PHF11: variants seen among roughly 807,000 people sequenced by gnomAD.
The protein encoded by PHF11 is BRCA1 C-terminus-associated protein.
In PHF11, 38 loss-of-function variants were observed where a neutral mutation model predicts 40.5. The observed-to-expected ratio is 0.94, with a 90% confidence interval of 0.72 to 1.23. The LOEUF is 1.23. Among genes scored for constraint, PHF11 ranks in the 50% most tolerant of loss-of-function variants. The pLI, the probability that PHF11 is intolerant of heterozygous loss-of-function variation, is 0.00. For synonymous variants in PHF11, 127 were observed against 138.2 expected, an observed-to-expected ratio of 0.92 and a Z score of 0.57; for missense variants, 369 against 392.4, an observed-to-expected ratio of 0.94 and a Z score of 0.50.
chr13:49,503,843 G>A (rs981320433), intron 1 of PHF11, among the ~76,000 whole-genome samples: 7 of 151,888 alleles, frequency 4.6e-5, no homozygotes, highest in African/African-American at 9.7e-5. Context: ...AGCAATTCTC[G>A]TGCCTCAGCC....
At chr13:49,524,830 T>C (rs7139494) in intron 8 of PHF11, among the ~76,000 whole-genome samples, 70,576 of 151,898 alleles carry the variant, frequency 0.46, 17,184 homozygotes, top group Middle Eastern at 0.58. Flanking sequence ...CCTTCATAAA[T>C]CAACAGGATG....
chr13:49,495,988 G>C lies in PHF11; in HGVS notation c.-14G>C, dbSNP rs1315655672. On this transcript the variant is annotated 5_prime_UTR_variant, in exon 1 of 10. Coordinates refer to ENST00000378319, the MANE Select transcript of PHF11 (RefSeq NM_001040443.3). The stretch of plus-strand genomic sequence containing the variant: ...TCTCGCTATCCGGCCGCCACCCGCA[G>C]CTGCAGCACAGTCATGGCCCAGGCG... 1 of 1,493,412 alleles carries C rather than the reference G, an allele frequency of 6.7e-7. No homozygotes were observed. Among genetic ancestry groups the C allele is most frequent in the South Asian group, 1.2e-5 (1 of 81,692 alleles). 92.5% of individuals were successfully genotyped at this position (1,493,412 alleles called of 1,614,324 possible).
intron 4 of PHF11, among the ~76,000 whole-genome samples, chr13:49,519,091 T>C (rs914045140): frequency 3.3e-5 from 5 of 152,118 alleles, no homozygotes; most frequent in African/African-American, 9.7e-5. Flanking sequence ...CGCCTCGGCC[T>C]CCCAAAGTGC....
At chr13:49,511,408 C>A (rs559946111) in intron 2 of PHF11, among the ~76,000 whole-genome samples, 3 of 150,210 alleles carry the variant, frequency 2.0e-5, no homozygotes, top group African/African-American at 7.3e-5. Flanking sequence ...CTCACTGCAC[C>A]CTCCGCCTCA....
In PHF11 at chr13:49,528,518, G is replaced by C; in HGVS notation, c.849G>C (p.Glu283Asp). ...TATTTCTTCTTTTCATAGCAATAGA[G>C]AAAAAAATTCATGCATCTCAACAAA... is the stretch of plus-strand genomic sequence containing the variant. ...DTFVNFQAAIEKKIHASQQRW... is the reference protein window; with the variant it reads ...DTFVNFQAAIDKKIHASQQRW... The change falls in exon 10 of 10, where the codon GAG becomes GAC. Residue 283 changes from glutamate (E) to aspartate (D), a missense_variant. By Grantham distance (45) the Glu-to-Asp change is conservative. Transcript: ENST00000378319. 1 of 1,594,010 alleles carries C rather than the reference G, an allele frequency of 6.3e-7. No homozygotes were observed.
At chr13:49,501,000 G>GTT (rs1206782081) in intron 1 of PHF11, among the ~76,000 whole-genome samples, 2 of 51,302 alleles carry the variant, frequency 3.9e-5, no homozygotes, top group Admixed American at 2.1e-4. Context: ...ACCAACTTTT[G>GTT]TTTTTTTTTT....
At chr13:49,508,181 A>G (rs1959032687) in intron 2 of PHF11, among the ~76,000 whole-genome samples, 1 of 147,732 alleles carries the variant, frequency 6.8e-6, no homozygotes, top group Admixed American at 6.8e-5. Context: ...TATATTATTA[A>G]TGCAGTATGT....
At chr13:49,503,674 T>A (rs1022749494) in intron 1 of PHF11, among the ~76,000 whole-genome samples, 2 of 152,244 alleles carry the variant, frequency 1.3e-5, no homozygotes, top group Admixed American at 1.3e-4. Context: ...CTTTGACATA[T>A]TTGGTTGCAT....
chr13:49,498,349 T>C (rs1364938255), intron 1 of PHF11, among the ~76,000 whole-genome samples: 1 of 152,200 alleles, frequency 6.6e-6, no homozygotes, highest in Non-Finnish European at 1.5e-5. Flanking sequence ...ACATTTCCGG[T>C]AGATCATTCT....
Position 49,526,451 on chromosome 13 carries a change from T to C in PHF11, c.834T>C (p.Phe278=), listed in dbSNP as rs1594226571. ...TGTTCGAAGACACATTTGTAAATTT[T>C]CAAGCAGGTATATGAGTTATATAAC... The part of the protein sequence containing the change: ...CRLFEDTFVN[F]QAAIEKKIHA... The change falls in exon 9 of 10, where the codon TTT becomes TTC. Residue 278 remains phenylalanine (F), a synonymous_variant. Transcript: ENST00000378319. 1 of 1,586,758 alleles carries C rather than the reference T, an allele frequency of 6.3e-7. No individual in the cohort carries two copies. Among genetic ancestry groups the C allele is most frequent in the South Asian group, 1.1e-5 (1 of 90,520 alleles).
chr13:49,502,715 A>G (rs1958926197), intron 1 of PHF11, among the ~76,000 whole-genome samples: 1 of 151,962 alleles, frequency 6.6e-6, no homozygotes, highest in African/African-American at 2.4e-5. Flanking sequence ...TACCTTGATA[A>G]TACGTTTATT....
chr13:49,504,164 C>G (rs1409326881), intron 1 of PHF11, among the ~76,000 whole-genome samples: 1 of 152,062 alleles, frequency 6.6e-6, no homozygotes. Context: ...AAGAAATGCT[C>G]TCAGGCTGGG....
Position 49,522,758 on chromosome 13 carries a change from G to GTT in PHF11, c.571-417_571-416insTT, listed in dbSNP as rs1200697917. 7.8e-4 allele frequency among the ~76,000 whole-genome samples: 28 copies of GTT among 35,840 alleles called. 4 individuals are homozygous for GTT. The highest frequency in any genetic ancestry group is 1.6e-3 in the African/African-American group (22 of 14,182). The allele number at this position is 35,840 out of a possible 152,430, so 23.5% of individuals were successfully genotyped here. A position where few individuals can be genotyped will look rare whatever the true frequency, so the allele number is the denominator to read the frequency against. On this transcript the variant is annotated intron_variant, in intron 6 of 9. Coordinates refer to ENST00000378319, the MANE Select transcript of PHF11 (RefSeq NM_001040443.3). The stretch of plus-strand genomic sequence containing the variant: ...TGTTTACATCTAAATATGAATATGG[G>GTT]GTTTTTTTGTTTTTTTTTTTTTTTG...
At chr13:49,525,444 C>T (rs182880734) in intron 8 of PHF11, among the ~76,000 whole-genome samples, 51 of 152,258 alleles carry the variant, frequency 3.3e-4, no homozygotes, top group African/African-American at 1.2e-3. Flanking sequence ...GATGGAGTTT[C>T]ACCATGTTGG....
intron 2 of PHF11, among the ~76,000 whole-genome samples, chr13:49,508,230 T>TTAA (rs200118558): frequency 1.6e-4 from 20 of 124,946 alleles, no homozygotes; most frequent in East Asian, 1.3e-3. Context: ...TAATATATTA[T>TTAA]TGTGTTATGT....
At chr13:49,517,951 G>T in intron 3 of PHF11, 67 bp from the exon 4 acceptor site, 3 of 875,246 alleles carry the variant, frequency 3.4e-6, no homozygotes, top group Non-Finnish European at 5.4e-6. Context: ...AACATTTAAT[G>T]ATATCTTTGA....
At chr13:49,517,019 G>T (rs1959164340) in intron 3 of PHF11, among the ~76,000 whole-genome samples, 1 of 151,878 alleles carries the variant, frequency 6.6e-6, no homozygotes, top group South Asian at 2.1e-4. Flanking sequence ...TTGTTATCTG[G>T]TTCGAGCTTT....
intron 7 of PHF11, 56 bp from the exon 8 acceptor site, chr13:49,524,029 T>C (rs1197466724): frequency 2.7e-6 from 4 of 1,492,580 alleles, no homozygotes; most frequent in Non-Finnish European, 3.7e-6. Context: ...CATAAAGTAA[T>C]TTATGATTAG....
chr13:49,496,476 T>A, intron 1 of PHF11: 2 of 1,006,828 alleles, frequency 2.0e-6, no homozygotes, highest in Non-Finnish European at 2.4e-6. Context: ...AGGGGCGCCC[T>A]GATGCGGTGA....
Sources: allele counts gnomAD v4.1 joint callset (sites outside exome capture counted in the v4.1 genomes callset), GRCh38; gene constraint gnomAD v4.1.1; transcripts MANE v1.5; gene names NCBI Gene and HGNC (gene_info 2026-07-23, HGNC 2026-07-21).